COMMD7: variants seen among roughly 807,000 people sequenced by gnomAD.
COMMD7 encodes COMM domain-containing protein 7.
In COMMD7, 28 loss-of-function variants were observed where a neutral mutation model predicts 34.8. The ratio of observed to expected loss-of-function variants is 0.80; its 90% confidence interval spans 0.60 to 1.10. The LOEUF is 1.10. Ranked by LOEUF, COMMD7 falls within the 50% of genes least tolerant of loss-of-function variation. The probability of loss-of-function intolerance (pLI) is 0.00; values close to 1 mark genes in which losing one functional copy is unlikely to be tolerated. For missense variants in COMMD7, 211 were observed against 241.6 expected (o/e 0.87, Z 0.84); for synonymous variants, 80 against 86.4 (o/e 0.93, Z 0.41).
rs1045223419 is a variant in COMMD7 at position 32,730,432 on chromosome 20, G to C, written c.85-2290C>G. 7.7e-4 allele frequency among the ~76,000 whole-genome samples: 117 copies of C among 152,244 alleles called. 2 individuals carry two copies. Among genetic ancestry groups the C allele is most frequent in the Admixed American group, 7.7e-3 (117 of 15,258 alleles). On this transcript the variant is annotated intron_variant, in intron 1 of 8. Transcript: ENST00000278980. ...TAGCCAGGCGTGGTGGTGCGTGCCT[G>C]TAATCCTAGCTACTCAGGAGGCTGA...
chr20:32,728,443 GACAT>G (rs1308700172), intron 1 of COMMD7, among the ~76,000 whole-genome samples: 6 of 86,448 alleles, frequency 6.9e-5, no homozygotes, highest in Middle Eastern at 6.6e-3. Context: ...CACACAGACA[GACAT>G]ACACACACAC....
intron 3 of COMMD7, among the ~76,000 whole-genome samples, chr20:32,714,757 G>A (rs1984671285): frequency 6.6e-6 from 1 of 152,016 alleles, no homozygotes; most frequent in Non-Finnish European, 1.5e-5. Context: ...CTGGGAGGTG[G>A]AGGTTGTAGT....
chr20:32,716,787 T>TAATC (rs1166809841), intron 3 of COMMD7, among the ~76,000 whole-genome samples: 3 of 151,566 alleles, frequency 2.0e-5, no homozygotes, highest in African/African-American at 7.3e-5. Context: ...TAAACTAAAG[T>TAATC]AATCCAGTTC....
At chr20:32,731,491 G>A (rs1225404394) in intron 1 of COMMD7, among the ~76,000 whole-genome samples, 2 of 151,980 alleles carry the variant, frequency 1.3e-5, no homozygotes, top group Non-Finnish European at 2.9e-5. Flanking sequence ...GCAAGAATGT[G>A]TTATTGATCC....
chr20:32,712,991 C>G (rs1252569285), intron 3 of COMMD7, among the ~76,000 whole-genome samples: 1 of 151,706 alleles, frequency 6.6e-6, no homozygotes, highest in Non-Finnish European at 1.5e-5. Context: ...CTTGGCTTCC[C>G]AAAGTGCTGG....
chr20:32,728,760 C>A (rs943907023), intron 1 of COMMD7, among the ~76,000 whole-genome samples: 5 of 151,820 alleles, frequency 3.3e-5, no homozygotes, highest in Admixed American at 3.3e-4. Flanking sequence ...GAGACAGGGT[C>A]TCACTTTGTT....
intron 3 of COMMD7, among the ~76,000 whole-genome samples, chr20:32,716,977 G>C (rs927487453): frequency 6.6e-6 from 1 of 151,896 alleles, no homozygotes; most frequent in South Asian, 2.1e-4. Flanking sequence ...GACTACAGGT[G>C]CCCACCAACA....
chr20:32,740,318 A>T (rs539133911), intron 1 of COMMD7, among the ~76,000 whole-genome samples: 1 of 16,622 alleles, frequency 6.0e-5, no homozygotes, highest in African/African-American at 1.8e-4. Flanking sequence ...CACTGTCTCA[A>T]AAAAAAAAAG....
At chr20:32,719,059 G>A (rs57002855) in intron 3 of COMMD7, among the ~76,000 whole-genome samples, 31,895 of 152,164 alleles carry the variant, frequency 0.21, 3,629 homozygotes, top group Non-Finnish European at 0.25. Context: ...CCAGGTCAAA[G>A]GAAGAGGACA....
intron 5 of COMMD7, 119 bp from the exon 6 acceptor site, chr20:32,705,023 G>T: frequency 2.7e-6 from 2 of 727,880 alleles, no homozygotes; most frequent in South Asian, 3.3e-5. Flanking sequence ...GCAGAAGATA[G>T]TGGGGAGGGT....
rs536312885 is a variant in COMMD7, at chr20:32,712,723, G to GT, written c.242-5964dup. Among the ~76,000 whole-genome samples the GT allele has an allele frequency of 4.2e-3, 399 of 94,952 alleles. 1 individual carries two copies. Among genetic ancestry groups the GT allele is most frequent in the African/African-American group, 0.015 (389 of 25,650 alleles). The allele number at this position is 94,952 out of a possible 152,430, so 62.3% of individuals were successfully genotyped here. ...TTCAAACACAGATAACTTTGAGATG[G>GT]TCCCTTTTTTTTTTTTGACACGGAG... On this transcript the variant is annotated intron_variant, in intron 3 of 8. Coordinates refer to ENST00000278980, the MANE Select transcript of COMMD7 (RefSeq NM_053041.3).
At chr20:32,712,339 T>A (rs1984511836) in intron 3 of COMMD7, among the ~76,000 whole-genome samples, 1 of 144,528 alleles carries the variant, frequency 6.9e-6, no homozygotes, top group African/African-American at 2.6e-5. Context: ...AAACTCCGTA[T>A]CTACTAAAAA....
chr20:32,704,707 A>G (rs1011440336), intron 6 of COMMD7, 107 bp downstream of exon 6: 1 of 858,236 alleles, frequency 1.2e-6, no homozygotes, highest in African/African-American at 1.7e-5. Flanking sequence ...TGCTGCCCCA[A>G]CAGTGCTAGG....
intron 1 of COMMD7, among the ~76,000 whole-genome samples, chr20:32,731,478 A>G (rs1985837305): frequency 6.6e-6 from 1 of 152,130 alleles, no homozygotes; most frequent in Admixed American, 6.6e-5. Flanking sequence ...CCTGAGCGAC[A>G]GTGCAAGAAT....
intron 1 of COMMD7, among the ~76,000 whole-genome samples, chr20:32,733,164 G>C (rs572863961): frequency 1.3e-5 from 2 of 151,954 alleles, no homozygotes; most frequent in East Asian, 3.9e-4. Context: ...ACAGCAAGCT[G>C]AGATTGTGCC....
chr20:32,703,993 G>A, intron 8 of COMMD7, 30 bp downstream of exon 8: 1 of 1,613,928 alleles, frequency 6.2e-7, no homozygotes. Flanking sequence ...CAAAAAAGGT[G>A]AAGAGGCTCA....
intron 1 of COMMD7, among the ~76,000 whole-genome samples, chr20:32,732,393 C>A (rs1985890484): frequency 6.6e-6 from 1 of 152,180 alleles, no homozygotes; most frequent in East Asian, 1.9e-4. Context: ...ACCCAACCGG[C>A]ATCAAATTTT....
chr20:32,743,088 C>G (rs1986527359), intron 1 of COMMD7, among the ~76,000 whole-genome samples: 1 of 152,098 alleles, frequency 6.6e-6, no homozygotes, highest in African/African-American at 2.4e-5. Flanking sequence ...CTCAGGTGGC[C>G]CTTAGGCCTC....
rs530241540 is a variant in COMMD7 at position 32,703,761 on chromosome 20, CCTT to C, written c.526+259_526+261del. ...ATGGCAAGAGCTTCTTGCTCGTCAA[CCTT>C]CTTCTTCAATCCCAGCCATTCCGTT... On this transcript the variant is annotated intron_variant, in intron 8 of 8. Transcript: ENST00000278980. 2.2e-4 allele frequency: 321 copies of C among 1,482,440 alleles called. 1 individual carries two copies. In the African/African-American group the frequency reaches 3.8e-3, roughly 17 times the overall value. The allele number at this position is 1,482,440 out of a possible 1,614,324, so 91.8% of individuals were successfully genotyped here.
Sources: allele counts gnomAD v4.1 joint callset (sites outside exome capture counted in the v4.1 genomes callset), GRCh38; gene constraint gnomAD v4.1.1; transcripts MANE v1.5; gene names NCBI Gene and HGNC (gene_info 2026-07-23, HGNC 2026-07-21).